Variants in ATG13 observed in about 807,000 individuals in gnomAD.
The protein encoded by ATG13 is autophagy related 13, also known as autophagy-related protein 13.
ATG13 carries 23 observed loss-of-function variants against 65.5 expected under a neutral mutation model. That is an observed-to-expected ratio of 0.35 (90% confidence interval 0.25 to 0.50). The LOEUF (loss-of-function observed/expected upper bound fraction) is 0.50, where lower values mean the gene tolerates loss of function less well. ATG13 is among the 20% of genes least tolerant of loss of function. The pLI, the probability that ATG13 is intolerant of heterozygous loss-of-function variation, is 0.98. For missense variants in ATG13, 566 were observed against 677.0 expected (o/e 0.84, Z 1.82); for synonymous variants, 252 against 245.2 (o/e 1.03, Z -0.26).
intron 4 of ATG13, 30 bp downstream of exon 4, chr11:46,645,449 A>T: frequency 6.3e-7 from 1 of 1,576,076 alleles, no homozygotes; most frequent in South Asian, 1.1e-5. Context: ...TAAGGTGTAT[A>T]CTGTAGTGTT....
chr11:46,653,180 CTTTT>C (rs1226638713), intron 7 of ATG13, among the ~76,000 whole-genome samples: 4 of 132,658 alleles, frequency 3.0e-5, no homozygotes, highest in Admixed American at 7.6e-5. Flanking sequence ...CATTTCTTTT[CTTTT>C]TTTTTTTTTT....
Position 46,664,905 on chromosome 11 carries a change from C to T in ATG13, c.945C>T (p.Asp315=), listed in dbSNP as rs1192085701. The change falls in exon 13 of 19, where the codon GAC becomes GAT. Residue 315 remains aspartate, a synonymous_variant. Coordinates refer to ENST00000683050, the MANE Select transcript of ATG13 (RefSeq NM_001346311.2). ...QPAALGVGSA[D]LAYPVVFAAG... ...CTGCCCTGGGCGTTGGATCAGCTGA[C>T]CTGGCTTATCCAGTAGTGTTTGCTG... 6.2e-7 allele frequency: 1 copy of T among 1,614,016 alleles called. No homozygotes were observed. Among genetic ancestry groups the T allele is most frequent in the Non-Finnish European group, 8.5e-7 (1 of 1,179,884 alleles).
rs1565652987 is a variant in ATG13, at chr11:46,672,840, T to G, written c.*508T>G. On this transcript the variant is annotated 3_prime_UTR_variant, in exon 19 of 19. Coordinates refer to ENST00000683050, the MANE Select transcript of ATG13 (RefSeq NM_001346311.2). ...TAGCTCTCTTCATTGTCCCCTTTAC[T>G]TCCTGCTATCTTCTTCTCCTCTTCT... 1.6e-6 allele frequency: 2 copies of G among 1,219,184 alleles called. No homozygotes were observed. The highest frequency in any genetic ancestry group is 2.1e-6 in the Non-Finnish European group (2 of 944,402). 75.5% of individuals were successfully genotyped at this position (1,219,184 alleles called of 1,614,324 possible). A position where few individuals can be genotyped will look rare whatever the true frequency, so the allele number is the denominator to read the frequency against.
chr11:46,635,202 T>G (rs892036458), intron 2 of ATG13, among the ~76,000 whole-genome samples: 1 of 151,774 alleles, frequency 6.6e-6, no homozygotes, highest in Admixed American at 6.6e-5. Context: ...AGACGGGTTT[T>G]GCTATGTTGG....
In ATG13 at chr11:46,672,414, C is replaced by T. The variant is rs2063972245; in HGVS notation, c.*82C>T. On this transcript the variant is annotated 3_prime_UTR_variant, in exon 19 of 19. Transcript: ENST00000683050. The stretch of plus-strand genomic sequence containing the variant: ...CTCCCATGCATCAGCTGCTCCCACC[C>T]CTCATCCTGCTCTGAGCCAGGTGGA... 6.2e-7 allele frequency: 1 copy of T among 1,608,240 alleles called. No individual in the cohort carries two copies. Among genetic ancestry groups the T allele is most frequent in the African/African-American group, 1.3e-5 (1 of 74,878 alleles).
chr11:46,649,049 C>CTA, intron 5 of ATG13, 88 bp from the exon 6 acceptor site: 1 of 1,136,628 alleles, frequency 8.8e-7, no homozygotes. Context: ...TTTTGCTTAT[C>CTA]TATACCTTTT....
At chr11:46,627,147 G>A (rs1039040275) in intron 1 of ATG13, among the ~76,000 whole-genome samples, 1 of 152,156 alleles carries the variant, frequency 6.6e-6, no homozygotes, top group African/African-American at 2.4e-5. Flanking sequence ...GTGGGAGGCC[G>A]CAGTGGGCAG....
At chr11:46,646,078 C>G in intron 5 of ATG13, 89 bp downstream of exon 5, 2 of 1,506,304 alleles carry the variant, frequency 1.3e-6, no homozygotes, top group Non-Finnish European at 9.0e-7. Context: ...TTATTCCTGC[C>G]CCTTTCCTCT....
intron 11 of ATG13, 52 bp from the exon 12 acceptor site, chr11:46,663,945 C>CTTTTT (rs953835564): frequency 7.3e-5 from 56 of 763,596 alleles, no homozygotes; most frequent in South Asian, 1.3e-4. Context: ...AGTCCCTTTT[C>CTTTTT]TTTTTTTTTT....
At position 46,629,605 on chromosome 11, in the gene ATG13, C is replaced by T. The variant is rs567646104; in HGVS notation, c.-69-440C>T. Among the ~76,000 whole-genome samples the T allele has an allele frequency of 4.3e-4, 66 of 151,972 alleles. 1 individual carries two copies. The highest frequency in any genetic ancestry group is 8.4e-4 in the Non-Finnish European group (57 of 67,966). ...AGAGACGGGGTTTCTCCATGTTGGT[C>T]AGGCTGGTCTCGAACTCCTGACCTC... is the stretch of plus-strand genomic sequence containing the variant. On this transcript the variant is annotated intron_variant, in intron 1 of 18. Transcript: ENST00000683050.
rs1315443568 is a variant in ATG13 at position 46,674,409 on chromosome 11, C to CA, written c.*2078dup. The CA allele has an allele frequency of 6.6e-6, 1 of 152,282 alleles. No homozygotes were observed. The highest frequency in any genetic ancestry group is 2.4e-5 in the African/African-American group (1 of 41,448). The allele number at this position is 152,282 out of a possible 1,614,324, so 9.4% of individuals were successfully genotyped here. A position where few individuals can be genotyped will look rare whatever the true frequency, so the allele number is the denominator to read the frequency against. On this transcript the variant is annotated 3_prime_UTR_variant, in exon 19 of 19. Transcript: ENST00000683050. ...GGACCAGCTGTTTGTCTCCAGGTGT[C>CA]AGAGTCCCTCCTCCTCCTCCAACCT... is the stretch of plus-strand genomic sequence containing the variant.
chr11:46,672,566 A>C lies in ATG13; in HGVS notation c.*234A>C. 7.0e-7 allele frequency: 1 copy of C among 1,434,340 alleles called. No individual in the cohort carries two copies. Among genetic ancestry groups the C allele is most frequent in the Non-Finnish European group, 9.2e-7 (1 of 1,088,944 alleles). The allele number at this position is 1,434,340 out of a possible 1,614,324, so 88.9% of individuals were successfully genotyped here. On this transcript the variant is annotated 3_prime_UTR_variant, in exon 19 of 19. Coordinates refer to ENST00000683050, the MANE Select transcript of ATG13 (RefSeq NM_001346311.2). ...TCACGTGCTGGCCTTGGAGATGGGA[A>C]GAACCTTCGTACGAAAAAGCCCTCA... is the stretch of plus-strand genomic sequence containing the variant.
chr11:46,634,363 G>T (rs1373674758), intron 2 of ATG13, among the ~76,000 whole-genome samples: 2 of 151,800 alleles, frequency 1.3e-5, no homozygotes, highest in Non-Finnish European at 2.9e-5. Flanking sequence ...CTCCCAAAGT[G>T]CTGGGATTGG....
In ATG13 at chr11:46,667,744, C is replaced by T. The variant is rs375524581; in HGVS notation, c.1137-29C>T. On this transcript the variant is annotated intron_variant, in intron 14 of 18. Coordinates refer to ENST00000683050, the MANE Select transcript of ATG13 (RefSeq NM_001346311.2). The stretch of plus-strand genomic sequence containing the variant: ...AAGTCGTCCTGCTGTGGTTTGAGAA[C>T]GAGTACTAACTTCACCTTTCTCCTC... 35 of 1,539,966 alleles carry T rather than the reference C, an allele frequency of 2.3e-5. 1 individual carries two copies. Among genetic ancestry groups the T allele is most frequent in the East Asian group, 1.1e-4 (5 of 43,884 alleles).
At chr11:46,657,716 C>G (rs1041528318) in intron 10 of ATG13, 94 bp downstream of exon 10, 7 of 1,167,780 alleles carry the variant, frequency 6.0e-6, no homozygotes, top group Non-Finnish European at 7.2e-6. Flanking sequence ...AGCACTCACT[C>G]TCCAGTGGGC....
At chr11:46,659,672 T>G (rs2060755659) in intron 11 of ATG13, 187 bp downstream of exon 11, 3 of 527,388 alleles carry the variant, frequency 5.7e-6, no homozygotes. Context: ...TAATTATTCA[T>G]AACCTTCAAG....
At chr11:46,640,611 G>A (rs966086243) in intron 2 of ATG13, among the ~76,000 whole-genome samples, 5 of 152,162 alleles carry the variant, frequency 3.3e-5, no homozygotes, top group African/African-American at 9.7e-5. Flanking sequence ...GGCTGCGATC[G>A]TGCCACTGCA....
rs747845193 is a variant in ATG13, at chr11:46,664,059, G to C, written c.852G>C (p.Leu284=). ...QTPTPVVTDT[L]RVPMAGLAFS... is the part of the protein sequence containing the mutation. ...CTACTCCTGTGGTGACGGACACCCT[G>C]AGGGTCCCCATGGCAGGACTGGCCT... is the stretch of plus-strand genomic sequence containing the variant. The change falls in exon 12 of 19, where the codon CTG becomes CTC. Residue 284 remains leucine (L), a synonymous_variant. Transcript: ENST00000683050. 1.9e-6 allele frequency: 3 copies of C among 1,597,240 alleles called. No individual in the cohort carries two copies. Among genetic ancestry groups the C allele is most frequent in the East Asian group, 4.5e-5 (2 of 44,808 alleles).
rs760948232 is a variant in ATG13 at position 46,645,322 on chromosome 11, GT to G, written c.70-7del. 1.2e-4 allele frequency: 165 copies of G among 1,372,932 alleles called. No individual in the cohort carries two copies. The highest frequency in any genetic ancestry group is 2.2e-4 in the Admixed American group (11 of 49,974). The allele number at this position is 1,372,932 out of a possible 1,614,324, so 85.0% of individuals were successfully genotyped here. Reference sequence around the variant, plus strand: ...TTCATCATTTTAGGATTTCTTTTGTGTTTTTTTTTTCTTTAGACTGTCCAAG... The same window carrying G: ...TTCATCATTTTAGGATTTCTTTTGTGTTTTTTTTTCTTTAGACTGTCCAAG... On this transcript the variant is annotated splice_polypyrimidine_tract_variant and intron_variant, in intron 3 of 18. Coordinates refer to ENST00000683050, the MANE Select transcript of ATG13 (RefSeq NM_001346311.2).
Sources: allele counts gnomAD v4.1 joint callset (sites outside exome capture counted in the v4.1 genomes callset), GRCh38; gene constraint gnomAD v4.1.1; transcripts MANE v1.5; gene names NCBI Gene and HGNC (gene_info 2026-07-23, HGNC 2026-07-21).